The following KRTAP2-2 variants were observed in gnomAD, a reference collection of about 807,000 sequenced individuals.
KRTAP2-2 encodes keratin associated protein 2-2.
A neutral mutation model predicts 10.2 loss-of-function variants in KRTAP2-2; 3 were observed. The ratio of observed to expected loss-of-function variants is 0.29; its 90% CI spans 0.13 to 0.76. The LOEUF (loss-of-function observed/expected upper bound fraction) is 0.76, where lower values mean the gene tolerates loss of function less well. Among genes scored for constraint, KRTAP2-2 ranks in the 30% least tolerant of loss-of-function variants. The pLI is 0.67. For synonymous variants in KRTAP2-2, 20 were observed against 70.8 expected, an observed-to-expected ratio of 0.28 and a Z score of 3.60; for missense variants, 54 against 163.6, an observed-to-expected ratio of 0.33 and a Z score of 3.65.
At chr17:41,054,580 C>T in exon 1 of KRTAP2-2, 1 of 957,090 alleles carries the variant, frequency 1.0e-6, no homozygotes, top group Non-Finnish European at 1.5e-6. Context: ...AAAAGTATTT[C>T]TCATCTGTGG....
chr17:41,054,751 C>T, exon 1 of KRTAP2-2: 2 of 1,540,822 alleles, frequency 1.3e-6, no homozygotes, highest in Non-Finnish European at 1.7e-6. Flanking sequence ...ACGGGCTGCT[C>T]AGCAGGAGGA....
chr17:41,055,016 G>A (rs1483019456), exon 1 of KRTAP2-2: 1 of 1,095,948 alleles, frequency 9.1e-7, no homozygotes, highest in Non-Finnish European at 1.3e-6. Flanking sequence ...AGGGAGCAGG[G>A]GTCGCAGCAC....
Sources: gnomAD v4.1 joint callset for allele counts on GRCh38, gnomAD v4.1.1 for gene constraint, MANE v1.5 for transcripts, NCBI Gene and HGNC (gene_info 2026-07-23, HGNC 2026-07-21) for gene names.